Variants in GABRG3 observed in about 807,000 individuals in gnomAD.
GABRG3 encodes the protein gamma-aminobutyric acid receptor subunit gamma-3.
In GABRG3, 25 loss-of-function variants were observed where a neutral mutation model predicts 48.8. That is an observed-to-expected ratio of 0.51 (90% CI 0.37 to 0.72). The LOEUF (loss-of-function observed/expected upper bound fraction) is 0.72, where lower values mean the gene tolerates loss of function less well. GABRG3 is among the 30% of genes least tolerant of loss of function. The pLI is 0.00. For missense variants in GABRG3, 394 were observed against 577.9 expected (o/e 0.68, Z 3.26); for synonymous variants, 227 against 217.6 (o/e 1.04, Z -0.38).
At chr15:27,520,358 T>C (rs1241247622) in intron 7 of GABRG3, among the ~76,000 whole-genome samples, 5 of 152,090 alleles carry the variant, frequency 3.3e-5, no homozygotes, top group South Asian at 2.1e-4. Flanking sequence ...AGTAAATCCA[T>C]TGTGATAGTA....
In GABRG3 at chr15:27,451,880, G is replaced by A. The variant is rs571415599; in HGVS notation, c.575-28770G>A. Among the ~76,000 whole-genome samples, 23 of 152,266 alleles carry A rather than the reference G, an allele frequency of 1.5e-4. 1 individual carries two copies. The highest frequency in any genetic ancestry group is 5.5e-4 in the African/African-American group (23 of 41,546). On this transcript the variant is annotated intron_variant, in intron 5 of 9. Transcript: ENST00000615808. ...GACACATGGCTGCAACTTGACTGAT[G>A]GAGAAAATATAAGCATATCTGGTGG...
At chr15:27,052,169 T>C (rs1042605415) in intron 3 of GABRG3, among the ~76,000 whole-genome samples, 2 of 152,158 alleles carry the variant, frequency 1.3e-5, no homozygotes, top group Non-Finnish European at 2.9e-5. Context: ...AAGAATGCCA[T>C]GTCTGGTAGA....
intron 9 of GABRG3, among the ~76,000 whole-genome samples, chr15:27,528,813 G>A (rs1005635781): frequency 3.3e-5 from 5 of 151,946 alleles, no homozygotes; most frequent in African/African-American, 1.2e-4. Context: ...TGACAGTGGT[G>A]TATATGTTAC....
At chr15:27,471,140 T>A (rs1249784076) in intron 5 of GABRG3, among the ~76,000 whole-genome samples, 1 of 151,956 alleles carries the variant, frequency 6.6e-6, no homozygotes, top group East Asian at 1.9e-4. Flanking sequence ...TTAAAGATCG[T>A]TTAGGGGGTG....
intron 3 of GABRG3, among the ~76,000 whole-genome samples, chr15:27,191,471 T>C (rs1200954695): frequency 6.6e-6 from 1 of 152,194 alleles, no homozygotes; most frequent in Non-Finnish European, 1.5e-5. Flanking sequence ...CCCTTTACCA[T>C]TATGTAATGG....
chr15:27,439,342 T>A (rs1335456628), intron 5 of GABRG3, among the ~76,000 whole-genome samples: 3 of 152,196 alleles, frequency 2.0e-5, no homozygotes, highest in African/African-American at 7.2e-5. Flanking sequence ...AAAGTCTTAT[T>A]GAAAACACTT....
intron 3 of GABRG3, among the ~76,000 whole-genome samples, chr15:27,189,919 A>G (rs1047940092): frequency 1.3e-5 from 2 of 152,172 alleles, no homozygotes; most frequent in African/African-American, 4.8e-5. Flanking sequence ...TAATTTATTG[A>G]GAGTTTTTAG....
chr15:27,051,733 C>T (rs1479599902), intron 3 of GABRG3, among the ~76,000 whole-genome samples: 3 of 152,180 alleles, frequency 2.0e-5, no homozygotes, highest in East Asian at 1.9e-4. Context: ...ATTTATTGTG[C>T]AGTCTACTTC....
intron 3 of GABRG3, among the ~76,000 whole-genome samples, chr15:27,199,682 TA>T (rs929939681): frequency 1.3e-5 from 2 of 152,048 alleles, no homozygotes; most frequent in Non-Finnish European, 2.9e-5. Flanking sequence ...CCACCATGAG[TA>T]AAAGTTTCCC....
At chr15:26,987,028 T>C (rs1895164069) in intron 2 of GABRG3, among the ~76,000 whole-genome samples, 3 of 152,198 alleles carry the variant, frequency 2.0e-5, no homozygotes, top group Admixed American at 2.0e-4. Flanking sequence ...AAGGCCAAGG[T>C]GGGCGGATCA....
chr15:27,441,463 G>A (rs1566842302), intron 5 of GABRG3, among the ~76,000 whole-genome samples: 1 of 152,166 alleles, frequency 6.6e-6, no homozygotes, highest in Non-Finnish European at 1.5e-5. Flanking sequence ...AAAGATACCT[G>A]TGTCCCTGAA....
chr15:27,454,227 T>G (rs1889194819), intron 5 of GABRG3, among the ~76,000 whole-genome samples: 1 of 152,190 alleles, frequency 6.6e-6, no homozygotes, highest in Non-Finnish European at 1.5e-5. Context: ...CACCATTTCC[T>G]TGAACACTTC....
At chr15:27,519,149 G>C (rs1206812587) in intron 6 of GABRG3, among the ~76,000 whole-genome samples, 1 of 152,202 alleles carries the variant, frequency 6.6e-6, no homozygotes, top group Non-Finnish European at 1.5e-5. Context: ...AATCCAGCAG[G>C]CTAAAGGGGT....
intron 3 of GABRG3, among the ~76,000 whole-genome samples, chr15:27,111,977 GCCAGGA>G (rs1273430365): frequency 2.0e-5 from 3 of 152,110 alleles, no homozygotes; most frequent in Admixed American, 2.0e-4. Flanking sequence ...CCATTCCTCT[GCCAGGA>G]CCAGGAGGGG....
intron 3 of GABRG3, among the ~76,000 whole-genome samples, chr15:27,170,618 A>C (rs1176247651): frequency 6.6e-6 from 1 of 152,216 alleles, no homozygotes; most frequent in African/African-American, 2.4e-5. Context: ...AATTATATCA[A>C]GTGTGAACAG....
At chr15:27,434,681 C>T (rs368179432) in intron 5 of GABRG3, among the ~76,000 whole-genome samples, 7 of 152,228 alleles carry the variant, frequency 4.6e-5, no homozygotes, top group South Asian at 2.1e-4. Context: ...CCATCAGAGC[C>T]GGTGCCACTG....
Position 27,026,006 on chromosome 15 carries a change from C to T in GABRG3, c.203-748C>T, listed in dbSNP as rs183474047. Among the ~76,000 whole-genome samples the T allele has an allele frequency of 1.1e-3, 175 of 152,282 alleles. 3 individuals carry two copies. The South Asian group carries it at 0.026, about 23-fold the overall frequency. On this transcript the variant is annotated intron_variant, in intron 2 of 9. Transcript: ENST00000615808. The stretch of plus-strand genomic sequence containing the variant: ...TCAGGCTTGCTCAGTTCTTTTGCTG[C>T]CATCAAAAGAGAAACTGGTTTCCCT...
At chr15:27,184,921 AT>A (rs577039725) in intron 3 of GABRG3, among the ~76,000 whole-genome samples, 121 of 150,564 alleles carry the variant, frequency 8.0e-4, no homozygotes, top group South Asian at 6.6e-3. Flanking sequence ...TTTGCGTCTT[AT>A]TTTTTTTTCC....
At chr15:27,000,181 C>T (rs1405082118) in intron 2 of GABRG3, among the ~76,000 whole-genome samples, 1 of 152,144 alleles carries the variant, frequency 6.6e-6, no homozygotes, top group Non-Finnish European at 1.5e-5. Context: ...AGCTTCTTTG[C>T]ATGCCTACTA....
Sources: allele counts gnomAD v4.1 joint callset (sites outside exome capture counted in the v4.1 genomes callset), GRCh38; gene constraint gnomAD v4.1.1; transcripts MANE v1.5; gene names NCBI Gene and HGNC (gene_info 2026-07-23, HGNC 2026-07-21).